The following CYLD variants were observed in gnomAD, a reference collection of about 807,000 sequenced individuals.
CYLD encodes ubiquitin carboxyl-terminal hydrolase CYLD.
CYLD carries 26 observed loss-of-function variants against 104.5 expected under a neutral mutation model. That is an observed-to-expected ratio of 0.25 (90% confidence interval 0.18 to 0.35). CYLD has a LOEUF of 0.35. Ranked by LOEUF, CYLD falls within the 10% of genes least tolerant of loss-of-function variation. The pLI is 1.00. For missense variants in CYLD, 703 were observed against 1,136.1 expected (o/e 0.62, Z 5.48); for synonymous variants, 385 against 399.9 (o/e 0.96, Z 0.45).
In CYLD at chr16:50,786,924, A is replaced by G. The variant is rs373899187; in HGVS notation, c.2019A>G (p.Ser673=). ...RKILEKVEAA[S]GFTSEEKDPE... is the part of the protein sequence containing the mutation. ...TACTTGAAAAGGTGGAGGCTGCATC[A>G]GGATTTACCTCTGAAGAAAAAGGTG... is the stretch of plus-strand genomic sequence containing the variant. Residue 673 remains serine (S), a synonymous_variant, in exon 13 of 19, where the codon TCA becomes TCG. Transcript: ENST00000427738. The G allele has an allele frequency of 1.2e-6, 2 of 1,614,038 alleles. No individual in the cohort carries two copies. The highest frequency in any genetic ancestry group is 1.7e-6 in the Non-Finnish European group (2 of 1,179,908).
intron 12 of CYLD, 170 bp from the exon 13 acceptor site, chr16:50,786,685 G>A (rs960583293): frequency 1.8e-6 from 1 of 563,270 alleles, no homozygotes; most frequent in Non-Finnish European, 3.2e-6. Flanking sequence ...TCTTGAGCCT[G>A]GAAGGCGGAG....
At chr16:50,787,629 T>C (rs1001853094) in intron 13 of CYLD, 157 bp from the exon 14 acceptor site, 30 of 568,356 alleles carry the variant, frequency 5.3e-5, no homozygotes, top group African/African-American at 5.1e-4. Flanking sequence ...TTTATGTTTT[T>C]CCTTTGTCAG....
rs552217573 is a variant in CYLD, at chr16:50,760,735, G to A, written c.913+6311G>A. Among the ~76,000 whole-genome samples, 197 of 152,124 alleles carry A rather than the reference G, an allele frequency of 1.3e-3. 3 individuals are homozygous for A. Among genetic ancestry groups the A allele is most frequent in the African/African-American group, 4.6e-3 (191 of 41,506 alleles). On this transcript the variant is annotated intron_variant, in intron 5 of 18. Coordinates refer to ENST00000427738, the MANE Select transcript of CYLD (RefSeq NM_001378743.1). ...GGGTTGTTTCTGACTTTTTGATATT[G>A]CACACAATGTTACCGTAACCTGTAC... is the stretch of plus-strand genomic sequence containing the variant.
Position 50,751,828 on chromosome 16 carries a change from A to G in CYLD, c.729A>G (p.Thr243=), listed in dbSNP as rs756295425. The G allele has an allele frequency of 9.9e-6, 16 of 1,613,510 alleles. No homozygotes were observed. Among genetic ancestry groups the G allele is most frequent in the Non-Finnish European group, 1.2e-5 (14 of 1,179,736 alleles). Residue 243 remains threonine (T), a synonymous_variant, in exon 4 of 19, where the codon ACA becomes ACG. Coordinates refer to ENST00000427738, the MANE Select transcript of CYLD (RefSeq NM_001378743.1). The stretch of plus-strand genomic sequence containing the variant: ...GAGTTTCTTTGAAGGTTGGAGAAAC[A>G]ATAGAATCTGGAACAGTTATATTCT... ...NSRVSLKVGE[T]IESGTVIFCD... is the part of the protein sequence containing the mutation.
intron 12 of CYLD, chr16:50,785,735 G>C (rs1597069586): frequency 6.6e-6 from 1 of 152,130 alleles, no homozygotes; most frequent in African/African-American, 2.4e-5. Context: ...TTGTGATCAG[G>C]ATTCCCTGTG....
In CYLD at chr16:50,798,256, G is replaced by C. The variant is rs949224402; in HGVS notation, c.*1748G>C. The C allele has an allele frequency of 8.6e-6, 2 of 231,948 alleles. No homozygotes were observed. The highest frequency in any genetic ancestry group is 1.7e-5 in the Non-Finnish European group (2 of 117,290). The allele number at this position is 231,948 out of a possible 1,614,324, so 14.4% of individuals were successfully genotyped here. On this transcript the variant is annotated 3_prime_UTR_variant, in exon 19 of 19. Coordinates refer to ENST00000427738, the MANE Select transcript of CYLD (RefSeq NM_001378743.1). ...GGAATCTAAATGAAGCCAGCCCTCG[G>C]TATCTGCAGGTTTCTCATCCATGGA...
At chr16:50,743,825 A>G (rs1965937252) in intron 2 of CYLD, among the ~76,000 whole-genome samples, 1 of 152,206 alleles carries the variant, frequency 6.6e-6, no homozygotes, top group African/African-American at 2.4e-5. Context: ...GTTTCTTCTT[A>G]TATGTATAAC....
chr16:50,742,525 G>T (rs1965786649), intron 1 of CYLD: 2 of 335,890 alleles, frequency 6.0e-6, no homozygotes, highest in Non-Finnish European at 1.1e-5. Context: ...CGGGAGCCGC[G>T]CGGGACGCTG....
intron 13 of CYLD, 24 bp from the exon 14 acceptor site, chr16:50,787,762 T>C (rs1329121065): frequency 4.3e-6 from 6 of 1,397,834 alleles, no homozygotes; most frequent in East Asian, 2.3e-5. Context: ...CTGTGACTTA[T>C]TTGATTTTTA....
rs575249780 is a variant in CYLD, at chr16:50,744,969, C to G, written c.-124+2128C>G. The G allele has an allele frequency of 2.0e-5, 3 of 152,426 alleles. No individual in the cohort carries two copies. In the East Asian group the frequency reaches 5.6e-4, roughly 29 times the overall value. The allele number at this position is 152,426 out of a possible 1,614,324, so 9.4% of individuals were successfully genotyped here. A position where few individuals can be genotyped will look rare whatever the true frequency, so the allele number is the denominator to read the frequency against. On this transcript the variant is annotated intron_variant, in intron 2 of 18. Transcript: ENST00000427738. ...TGAACTGTTCTCCTTCATCAGCGTCCTTAAAGGAAAGGCCTTCTGTTCAAC... is the reference window on the plus strand; with the variant it reads ...TGAACTGTTCTCCTTCATCAGCGTCGTTAAAGGAAAGGCCTTCTGTTCAAC...
At chr16:50,747,780 CACACCACAAA>C (rs1336631104) in intron 2 of CYLD, among the ~76,000 whole-genome samples, 2 of 152,168 alleles carry the variant, frequency 1.3e-5, no homozygotes, top group African/African-American at 4.8e-5. Flanking sequence ...TTAAAACAAA[CACACCACAAA>C]AAAGAAGAAA....
chr16:50,779,550 T>A lies in CYLD; in HGVS notation c.1139-115T>A, dbSNP rs977520618. Reference sequence around the variant, plus strand: ...TTTGTGATGCCTATGAGAGTACTATTAATAGCAGGGAGGTCAGGTGGGCAG... The same window carrying A: ...TTTGTGATGCCTATGAGAGTACTATAAATAGCAGGGAGGTCAGGTGGGCAG... On this transcript the variant is annotated intron_variant, in intron 8 of 18. Transcript: ENST00000427738. 9.7e-6 allele frequency: 9 copies of A among 927,810 alleles called. No individual in the cohort carries two copies. The African/African-American group carries it at 1.3e-4, about 13-fold the overall frequency. 57.5% of individuals were successfully genotyped at this position (927,810 alleles called of 1,614,324 possible).
At position 50,794,619 on chromosome 16, in the gene CYLD, G is replaced by GT. The variant is rs397717971; in HGVS notation, c.2686+202dup. The GT allele has an allele frequency of 0.45, 234,985 of 519,198 alleles. 28,569 individuals are homozygous for GT. The highest frequency in any genetic ancestry group is 0.57 in the African/African-American group (28,881 of 50,840). The allele number at this position is 519,198 out of a possible 1,614,324, so 32.2% of individuals were successfully genotyped here. ...GCTGAACTAAGGAATAATATGCTGT[G>GT]TTTTTTTTTTTCCTTTTTTGAGATG... is the stretch of plus-strand genomic sequence containing the variant. On this transcript the variant is annotated intron_variant, in intron 18 of 18. Coordinates refer to ENST00000427738, the MANE Select transcript of CYLD (RefSeq NM_001378743.1). The surrounding 1 kb of genome is among the most constrained non-coding windows in gnomAD (Gnocchi z 4.1).
At chr16:50,793,704 C>A in intron 17 of CYLD, 40 bp downstream of exon 17, 1 of 1,246,644 alleles carries the variant, frequency 8.0e-7, no homozygotes. Context: ...TTTTGTTGAA[C>A]AGTAACTTAT....
intron 5 of CYLD, among the ~76,000 whole-genome samples, chr16:50,772,691 C>T (rs1277721449): frequency 1.3e-5 from 2 of 152,054 alleles, no homozygotes; most frequent in Non-Finnish European, 2.9e-5. Context: ...GCATGTGTGC[C>T]AGTATAAAAA....
At chr16:50,789,779 GTTC>G (rs1971247434) in intron 14 of CYLD, among the ~76,000 whole-genome samples, 1 of 152,120 alleles carries the variant, frequency 6.6e-6, no homozygotes, top group East Asian at 1.9e-4. Flanking sequence ...ACTATAAGAT[GTTC>G]TTAAATGATT....
At chr16:50,759,880 C>T (rs771278570) in intron 5 of CYLD, among the ~76,000 whole-genome samples, 3 of 152,152 alleles carry the variant, frequency 2.0e-5, no homozygotes, top group African/African-American at 4.8e-5. Flanking sequence ...CTATTAAACA[C>T]GTATTTTTTG....
chr16:50,757,469 A>G (rs1046905739), intron 5 of CYLD, among the ~76,000 whole-genome samples: 3 of 152,168 alleles, frequency 2.0e-5, no homozygotes, highest in African/African-American at 7.2e-5. Context: ...TTTGGGAACA[A>G]ATGATTTACA....
At chr16:50,743,579 GTTTT>G (rs1194020983) in intron 2 of CYLD, among the ~76,000 whole-genome samples, 1 of 152,156 alleles carries the variant, frequency 6.6e-6, no homozygotes, top group African/African-American at 2.4e-5. Flanking sequence ...CTAAACTGTG[GTTTT>G]GTTTGATTTA....
Sources: gnomAD v4.1 joint callset for allele counts (sites outside exome capture counted in the v4.1 genomes callset) on GRCh38, gnomAD v4.1.1 for gene constraint, Gnocchi (gnomAD v3.1) non-coding constraint, MANE v1.5 for transcripts, NCBI Gene and HGNC (gene_info 2026-07-23, HGNC 2026-07-21) for gene names.